The following TMEM132B variants were observed in gnomAD, a reference collection of about 807,000 sequenced individuals.
TMEM132B encodes transmembrane protein 132B.
A neutral mutation model predicts 90.8 loss-of-function variants in TMEM132B; 18 were observed. The ratio of observed to expected loss-of-function variants is 0.20; its 90% CI spans 0.14 to 0.29. TMEM132B has a LOEUF of 0.29. Ranked by LOEUF, TMEM132B falls within the 10% of genes least tolerant of loss-of-function variation. TMEM132B has a pLI of 1.00. For missense variants in TMEM132B, 1,096 were observed against 1,326.8 expected (o/e 0.83, Z 2.70); for synonymous variants, 504 against 523.3 (o/e 0.96, Z 0.50).
chr12:125,232,091 C>G (rs1262982003), intron 1 of TMEM132B, among the ~76,000 whole-genome samples: 1 of 152,172 alleles, frequency 6.6e-6, no homozygotes, highest in Non-Finnish European at 1.5e-5. Context: ...ATATATAGAT[C>G]TACCTTACCC....
rs769334297 is a variant in TMEM132B at position 125,415,669 on chromosome 12, G to T, written c.1098G>T (p.Thr366=). 2.5e-6 allele frequency: 4 copies of T among 1,614,044 alleles called. No individual in the cohort carries two copies. In the East Asian group the frequency reaches 8.9e-5, roughly 36 times the overall value. The change falls in exon 3 of 9, where the codon ACG becomes ACT. Residue 366 remains threonine (T), a synonymous_variant. Coordinates refer to ENST00000682704, the MANE Select transcript of TMEM132B (RefSeq NM_001366854.1). This position sits in a 1 kb window ranked among gnomAD's most constrained non-coding sequence, Gnocchi z 5.3. ...TLTCMGHRPD[T]QSRVNGSFYE... ...CCTGCATGGGCCATCGCCCGGACACGCAGAGCAGGTAAGCATGGAGATCCC... is the reference window on the plus strand; with the variant it reads ...CCTGCATGGGCCATCGCCCGGACACTCAGAGCAGGTAAGCATGGAGATCCC...
intron 1 of TMEM132B, among the ~76,000 whole-genome samples, chr12:125,262,380 A>C (rs779785643): frequency 6.6e-6 from 1 of 152,196 alleles, no homozygotes; most frequent in African/African-American, 2.4e-5. Context: ...TGTCTGAAAA[A>C]ATAGGGGCCA....
chr12:125,518,790 G>C (rs1353607366), intron 3 of TMEM132B, among the ~76,000 whole-genome samples: 1 of 126,394 alleles, frequency 7.9e-6, no homozygotes, highest in Non-Finnish European at 1.5e-5. Flanking sequence ...AGGCAGGTGG[G>C]ATTTTTTTAC....
intron 2 of TMEM132B, among the ~76,000 whole-genome samples, chr12:125,393,960 T>C (rs1348771100): frequency 3.3e-5 from 5 of 152,196 alleles, no homozygotes; most frequent in Admixed American, 3.3e-4. Flanking sequence ...AAGGAGCCTC[T>C]GAGTAATGCT....
intron 3 of TMEM132B, among the ~76,000 whole-genome samples, chr12:125,431,070 G>T (rs995531743): frequency 3.3e-5 from 5 of 152,132 alleles, no homozygotes; most frequent in African/African-American, 1.2e-4. Flanking sequence ...GGTGGCCAAG[G>T]GCTGAATTAT....
chr12:125,580,107 A>C (rs1885018419), intron 4 of TMEM132B, among the ~76,000 whole-genome samples: 1 of 152,178 alleles, frequency 6.6e-6, no homozygotes, highest in Non-Finnish European at 1.5e-5. Flanking sequence ...ACAGAGCCTC[A>C]AAATCAACCA....
chr12:125,644,999 C>T (rs1031137518), intron 6 of TMEM132B, among the ~76,000 whole-genome samples: 5 of 151,920 alleles, frequency 3.3e-5, no homozygotes, highest in Middle Eastern at 3.4e-3. Context: ...AGGCGGATCA[C>T]GAGGTCTGGA....
At chr12:125,537,711 A>T (rs1883845425) in intron 4 of TMEM132B, among the ~76,000 whole-genome samples, 2 of 152,174 alleles carry the variant, frequency 1.3e-5, no homozygotes, top group Admixed American at 1.3e-4. Flanking sequence ...CTGAGCAGGG[A>T]AATCTAGGAG....
At chr12:125,631,891 G>A (rs920318682) in intron 5 of TMEM132B, among the ~76,000 whole-genome samples, 1 of 151,992 alleles carries the variant, frequency 6.6e-6, no homozygotes, top group African/African-American at 2.4e-5. Flanking sequence ...GGTGAAATGT[G>A]TTTCTTGTAG....
At position 125,233,240 on chromosome 12, in the gene TMEM132B, G is replaced by T. The variant is rs79630132; in HGVS notation, c.67+46374G>T. 2.2e-4 allele frequency among the ~76,000 whole-genome samples: 33 copies of T among 152,346 alleles called. No homozygotes were observed. The East Asian group carries it at 6.2e-3, about 28-fold the overall frequency. On this transcript the variant is annotated intron_variant, in intron 1 of 8. Coordinates refer to ENST00000682704, the MANE Select transcript of TMEM132B (RefSeq NM_001366854.1). ...AGCAGAGAAAACCAAAATAATAAGG[G>T]ATTATACAGGATAGAAGTTAATTTC...
chr12:125,660,147 G>T lies in TMEM132B; in HGVS notation c.*5437G>T, dbSNP rs1457283795. On this transcript the variant is annotated 3_prime_UTR_variant, in exon 9 of 9. Coordinates refer to ENST00000682704, the MANE Select transcript of TMEM132B (RefSeq NM_001366854.1). ...GCCTGTAGTCCCAGCTACTCTGGAGGCTGAGGCAGGAGAATCACTTGAACC... is the reference window on the plus strand; with the variant it reads ...GCCTGTAGTCCCAGCTACTCTGGAGTCTGAGGCAGGAGAATCACTTGAACC... 2 of 152,338 alleles carry T rather than the reference G, an allele frequency of 1.3e-5. No homozygotes were observed. Among genetic ancestry groups the T allele is most frequent in the Non-Finnish European group, 2.9e-5 (2 of 68,158 alleles). 9.4% of individuals were successfully genotyped at this position (152,338 alleles called of 1,614,324 possible).
At chr12:125,272,103 C>T (rs1874854092) in intron 1 of TMEM132B, among the ~76,000 whole-genome samples, 1 of 152,222 alleles carries the variant, frequency 6.6e-6, no homozygotes, top group Non-Finnish European at 1.5e-5. Context: ...GACTCATTAG[C>T]AGAGATGGAG....
Position 125,310,931 on chromosome 12 carries a change from T to C in TMEM132B, c.68-38521T>C, listed in dbSNP as rs536573209. Among the ~76,000 whole-genome samples the C allele has an allele frequency of 2.0e-5, 3 of 152,330 alleles. No individual in the cohort carries two copies. In the East Asian group the frequency reaches 5.8e-4, roughly 29 times the overall value. ...ATACGATGTCACATCAAGTGGCCCATCACTGAGTACTGGTGTCCGAGGCTG... is the reference window on the plus strand; with the variant it reads ...ATACGATGTCACATCAAGTGGCCCACCACTGAGTACTGGTGTCCGAGGCTG... On this transcript the variant is annotated intron_variant, in intron 1 of 8. Transcript: ENST00000682704.
intron 1 of TMEM132B, among the ~76,000 whole-genome samples, chr12:125,197,324 G>A (rs562401859): frequency 6.6e-6 from 1 of 152,282 alleles, no homozygotes; most frequent in Non-Finnish European, 1.5e-5. Flanking sequence ...TAGTAGAGGT[G>A]TATGTGAAAA....
intron 3 of TMEM132B, among the ~76,000 whole-genome samples, chr12:125,449,776 A>T (rs1351968572): frequency 6.6e-6 from 1 of 152,156 alleles, no homozygotes; most frequent in Non-Finnish European, 1.5e-5. Flanking sequence ...GTGGGCCTTA[A>T]TTCAAAAATC....
intron 5 of TMEM132B, among the ~76,000 whole-genome samples, chr12:125,592,449 A>G (rs1885337589): frequency 6.6e-6 from 1 of 152,192 alleles, no homozygotes; most frequent in Admixed American, 6.5e-5. Context: ...ATAAAGGGAC[A>G]TTAATATTTT....
chr12:125,435,684 A>G (rs891807792), intron 3 of TMEM132B, among the ~76,000 whole-genome samples: 1 of 152,194 alleles, frequency 6.6e-6, no homozygotes, highest in Non-Finnish European at 1.5e-5. Context: ...AGAAAGTGTC[A>G]GGGAGAAAAA....
intron 4 of TMEM132B, among the ~76,000 whole-genome samples, chr12:125,577,179 T>C (rs982491681): frequency 2.6e-5 from 4 of 151,956 alleles, no homozygotes; most frequent in African/African-American, 9.7e-5. Flanking sequence ...CAGTTATAGA[T>C]ATTGAAATTC....
intron 4 of TMEM132B, among the ~76,000 whole-genome samples, chr12:125,575,560 A>G (rs1421658446): frequency 2.0e-5 from 3 of 150,914 alleles, no homozygotes; most frequent in African/African-American, 7.3e-5. Flanking sequence ...AATGTTTTTA[A>G]TTTCTATAAA....
Sources: allele counts gnomAD v4.1 joint callset (sites outside exome capture counted in the v4.1 genomes callset), GRCh38; gene constraint gnomAD v4.1.1; non-coding constraint Gnocchi (gnomAD v3.1); transcripts MANE v1.5; gene names NCBI Gene and HGNC (gene_info 2026-07-23, HGNC 2026-07-21).